Variants in XNDC1N observed in about 807,000 individuals in gnomAD.
XNDC1N encodes the protein protein XNDC1N.
chr11:71,889,321 T>C, the XNDC1N span, among the ~76,000 whole-genome samples: 3 of 152,246 alleles, frequency 2.0e-5, no homozygotes, highest in Non-Finnish European at 4.4e-5. Flanking sequence ...GTGGCAGTTA[T>C]GCATTGCAGG....
At chr11:71,908,559 T>C in the XNDC1N span, among the ~76,000 whole-genome samples, 1 of 152,158 alleles carries the variant, frequency 6.6e-6, no homozygotes, top group Non-Finnish European at 1.5e-5. Context: ...AGCAGCGATA[T>C]ACTGGGTTAG....
At chr11:71,898,080 A>G in the XNDC1N span, among the ~76,000 whole-genome samples, 1 of 152,122 alleles carries the variant, frequency 6.6e-6, no homozygotes, top group Non-Finnish European at 1.5e-5. Flanking sequence ...ACTACTCAAG[A>G]GGCTGAGGCA....
At chr11:71,901,029 T>C in the XNDC1N span, among the ~76,000 whole-genome samples, 1 of 152,176 alleles carries the variant, frequency 6.6e-6, no homozygotes, top group South Asian at 2.1e-4. Flanking sequence ...TCGGGGTTCC[T>C]TGTAGAACAC....
At chr11:71,883,318 T>C in the XNDC1N span, among the ~76,000 whole-genome samples, 1 of 152,198 alleles carries the variant, frequency 6.6e-6, no homozygotes, top group Non-Finnish European at 1.5e-5. Flanking sequence ...GCTAGGGGCA[T>C]CACATTTTCT....
chr11:71,903,029 A>C, the XNDC1N span, among the ~76,000 whole-genome samples: 2 of 152,266 alleles, frequency 1.3e-5, no homozygotes, highest in Non-Finnish European at 2.9e-5. Context: ...TGAGTTTGTC[A>C]GAACTACAAA....
the XNDC1N span, among the ~76,000 whole-genome samples, chr11:71,877,702 C>T: frequency 2.0e-4 from 30 of 152,240 alleles, no homozygotes; most frequent in African/African-American, 6.7e-4. Flanking sequence ...CCTACGGCAC[C>T]CAAAGTATTC....
chr11:71,894,773 C>T, the XNDC1N span, among the ~76,000 whole-genome samples: 92 of 151,658 alleles, frequency 6.1e-4, no homozygotes, highest in Non-Finnish European at 8.3e-4. Context: ...GGAGGTCCTC[C>T]AACACCATTG....
chr11:71,908,342 ATT>A, the XNDC1N span, among the ~76,000 whole-genome samples: 3 of 151,792 alleles, frequency 2.0e-5, no homozygotes, highest in Admixed American at 1.3e-4. Flanking sequence ...ATAATCATGT[ATT>A]GTTATCTTTA....
At chr11:71,879,672 C>T in the XNDC1N span, among the ~76,000 whole-genome samples, 1 of 151,998 alleles carries the variant, frequency 6.6e-6, no homozygotes, top group Admixed American at 6.6e-5. Flanking sequence ...CAGTGGTTAT[C>T]AAGTGTATTC....
chr11:71,868,754 T>C, the XNDC1N span, among the ~76,000 whole-genome samples: 1 of 152,176 alleles, frequency 6.6e-6, no homozygotes, highest in Non-Finnish European at 1.5e-5. Flanking sequence ...ATGACATATG[T>C]CTAGGGGATG....
chr11:71,866,641 G>C, the XNDC1N span, among the ~76,000 whole-genome samples: 1 of 152,064 alleles, frequency 6.6e-6, no homozygotes, highest in East Asian at 1.9e-4. Context: ...GTGGGTGCCT[G>C]TAATCCCAGC....
the XNDC1N span, among the ~76,000 whole-genome samples, chr11:71,913,030 C>A: frequency 6.6e-6 from 1 of 152,098 alleles, no homozygotes; most frequent in South Asian, 2.1e-4. Flanking sequence ...GGTGTACATT[C>A]CCTGCGATAT....
At chr11:71,892,614 AGGTTCTAAGGGATTCT>A in the XNDC1N span, among the ~76,000 whole-genome samples, 1 of 152,066 alleles carries the variant, frequency 6.6e-6, no homozygotes, top group African/African-American at 2.4e-5. Context: ...TCTGCCTTCC[AGGTTCTAAGGGATTCT>A]CCTGCTTCAG....
At chr11:71,919,020 T>G in the XNDC1N span, 1 of 702,842 alleles carries the variant, frequency 1.4e-6, no homozygotes. Flanking sequence ...ACAGGATACT[T>G]GGGATCCTAA....
At chr11:71,900,307 A>G in the XNDC1N span, among the ~76,000 whole-genome samples, 1 of 151,288 alleles carries the variant, frequency 6.6e-6, no homozygotes, top group South Asian at 2.1e-4. Context: ...GTCTCTGTGT[A>G]TTATTTCTTT....
At chr11:71,910,810 T>G in the XNDC1N span, among the ~76,000 whole-genome samples, 1 of 152,264 alleles carries the variant, frequency 6.6e-6, no homozygotes, top group Admixed American at 6.5e-5. Flanking sequence ...TTGTAGACTG[T>G]GGATCCCAAA....
chr11:71,903,101 A>G, the XNDC1N span: 12 of 594,144 alleles, frequency 2.0e-5, no homozygotes, highest in East Asian at 3.1e-4. Flanking sequence ...GCTTCTATCC[A>G]AAATGCAGAC....
At chr11:71,885,507 T>C in the XNDC1N span, among the ~76,000 whole-genome samples, 1 of 152,162 alleles carries the variant, frequency 6.6e-6, no homozygotes, top group Non-Finnish European at 1.5e-5. Context: ...CCCAGTGCTA[T>C]ATTGGGAGTA....
the XNDC1N span, among the ~76,000 whole-genome samples, chr11:71,872,589 G>A: frequency 0.013 from 1,916 of 152,130 alleles, 18 homozygotes; most frequent in Non-Finnish European, 0.019. Flanking sequence ...ATAGCTGGGC[G>A]TGGTGGCGGG....
Sources: gnomAD v4.1 joint callset for allele counts (sites outside exome capture counted in the v4.1 genomes callset) on GRCh38, gnomAD v4.1.1 for gene constraint, MANE v1.5 for transcripts, NCBI Gene and HGNC (gene_info 2026-07-23, HGNC 2026-07-21) for gene names.